The following NR2C2 variants were observed in gnomAD, a reference collection of about 807,000 sequenced individuals.
NR2C2 encodes Nuclear hormone receptor TR4.
In NR2C2, 6 loss-of-function variants were observed where a neutral mutation model predicts 62.9. The observed-to-expected ratio is 0.10, with a 90% CI of 0.05 to 0.19. The LOEUF (loss-of-function observed/expected upper bound fraction) is 0.19, where lower values mean the gene tolerates loss of function less well. Among genes scored for constraint, NR2C2 ranks in the 10% least tolerant of loss-of-function variants. The pLI is 1.00. For missense variants in NR2C2, 479 were observed against 762.7 expected, an observed-to-expected ratio of 0.63 and a Z score of 4.38; for synonymous variants, 272 against 273.8, an observed-to-expected ratio of 0.99 and a Z score of 0.07.
intron 13 of NR2C2, 112 bp downstream of exon 13, chr3:15,039,339 G>A: frequency 1.4e-6 from 1 of 705,944 alleles, no homozygotes; most frequent in South Asian, 1.6e-5. Context: ...GCCTGATAGA[G>A]CCTCCATTGG....
intron 7 of NR2C2, chr3:15,026,155 A>ACTGT (rs2041817688): frequency 6.6e-6 from 1 of 152,148 alleles, no homozygotes; most frequent in African/African-American, 2.4e-5. Flanking sequence ...AGTAGCTGGG[A>ACTGT]CTGTAGGTGC....
intron 1 of NR2C2, among the ~76,000 whole-genome samples, chr3:14,986,916 C>T (rs973029261): frequency 6.6e-6 from 1 of 152,094 alleles, no homozygotes; most frequent in Admixed American, 6.5e-5. Flanking sequence ...CAGGATGATT[C>T]AGGTTAGCTT....
chr3:15,007,166 C>T (rs1401777479), intron 2 of NR2C2, among the ~76,000 whole-genome samples: 3 of 146,802 alleles, frequency 2.0e-5, no homozygotes, highest in African/African-American at 7.6e-5. Flanking sequence ...CTCGCTCTGT[C>T]GCCCAGGCTG....
At chr3:15,006,776 CTTT>C (rs750432241) in intron 2 of NR2C2, among the ~76,000 whole-genome samples, 3 of 135,276 alleles carry the variant, frequency 2.2e-5, no homozygotes, top group Admixed American at 7.5e-5. Context: ...AGCCTTGAAT[CTTT>C]TTTTTTTTTT....
chr3:15,003,867 C>A lies in NR2C2; in HGVS notation c.-39-9C>A. The A allele has an allele frequency of 6.3e-7, 1 of 1,586,270 alleles. No individual in the cohort carries two copies. Among genetic ancestry groups the A allele is most frequent in the Non-Finnish European group, 8.7e-7 (1 of 1,154,930 alleles). ...CCCCCTTGTGATCCAGCCCACTTCT[C>A]ACCCACAGGTAACACGTACACAGAC... is the stretch of plus-strand genomic sequence containing the variant. On this transcript the variant is annotated splice_polypyrimidine_tract_variant and intron_variant, in intron 1 of 13. Transcript: ENST00000425241.
At chr3:15,035,315 C>T (rs994121472) in intron 11 of NR2C2, among the ~76,000 whole-genome samples, 2 of 152,146 alleles carry the variant, frequency 1.3e-5, no homozygotes, top group Non-Finnish European at 2.9e-5. Flanking sequence ...TGTTAGGAGG[C>T]TTATCAGTCA....
chr3:14,957,773 G>A (rs1479468034), intron 1 of NR2C2, among the ~76,000 whole-genome samples: 1 of 151,938 alleles, frequency 6.6e-6, no homozygotes, highest in Non-Finnish European at 1.5e-5. Context: ...TACAGTCTCT[G>A]TCTTTTCTAT....
intron 1 of NR2C2, among the ~76,000 whole-genome samples, chr3:15,000,903 C>G (rs1332581439): frequency 6.6e-6 from 1 of 150,916 alleles, no homozygotes; most frequent in African/African-American, 2.4e-5. Flanking sequence ...CAAGCTCTGC[C>G]TCCCGGATTC....
chr3:15,018,019 G>A (rs1006627687), intron 4 of NR2C2, among the ~76,000 whole-genome samples: 2 of 150,974 alleles, frequency 1.3e-5, no homozygotes, highest in African/African-American at 4.9e-5. Context: ...TTTTTTTTGA[G>A]ATGGAGTCTC....
chr3:15,029,838 T>TAGAC (rs1271676987), intron 8 of NR2C2, among the ~76,000 whole-genome samples: 34 of 119,684 alleles, frequency 2.8e-4, no homozygotes, highest in African/African-American at 1.2e-3. Flanking sequence ...GATAGATAGA[T>TAGAC]AGATATAGAT....
At chr3:14,957,315 T>C (rs1281066146) in intron 1 of NR2C2, among the ~76,000 whole-genome samples, 1 of 152,222 alleles carries the variant, frequency 6.6e-6, no homozygotes, top group Admixed American at 6.5e-5. Context: ...TATCTGAAAC[T>C]GGAGATTCAG....
At chr3:14,948,715 A>G (rs373104890) in intron 1 of NR2C2, 4 of 152,330 alleles carry the variant, frequency 2.6e-5, no homozygotes, top group African/African-American at 9.6e-5. Context: ...ACTGAGGAAC[A>G]ATAGTAATAA....
intron 12 of NR2C2, 153 bp downstream of exon 12, chr3:15,038,290 A>G (rs892346973): frequency 1.4e-5 from 10 of 734,372 alleles, no homozygotes; most frequent in Middle Eastern, 2.5e-4. Flanking sequence ...AGATAAATAC[A>G]TAAACGCTTT....
rs980343260 is a variant in NR2C2, at chr3:15,048,957, CCATTA to C, written c.*5954_*5958del. ...CACAATATAGAAAATATTGGTTTTG[CCATTA>C]CATTTTAATGCCAGGTTTAAAACCT... On this transcript the variant is annotated 3_prime_UTR_variant, in exon 14 of 14. Transcript: ENST00000425241. 2.3e-4 allele frequency: 35 copies of C among 152,612 alleles called. No homozygotes were observed. Among genetic ancestry groups the C allele is most frequent in the Admixed American group, 2.3e-3 (35 of 15,282 alleles). The allele number at this position is 152,612 out of a possible 1,614,324, so 9.5% of individuals were successfully genotyped here.
Position 15,047,723 on chromosome 3 carries a change from T to C in NR2C2, c.*4715T>C, listed in dbSNP as rs1344319856. The C allele has an allele frequency of 1.3e-5, 2 of 152,216 alleles. No individual in the cohort carries two copies. Among genetic ancestry groups the C allele is most frequent in the Admixed American group, 1.3e-4 (2 of 15,280 alleles). 9.4% of individuals were successfully genotyped at this position (152,216 alleles called of 1,614,324 possible). On this transcript the variant is annotated 3_prime_UTR_variant, in exon 14 of 14. Transcript: ENST00000425241. The stretch of plus-strand genomic sequence containing the variant: ...AGTTAAAAATAAACAACCTACCAAG[T>C]ATTATTCTTTAAAACTAAGCATGGA...
chr3:15,032,352 CTGTGCCA>C lies in NR2C2; in HGVS notation c.1111-20_1111-14del. On this transcript the variant is annotated intron_variant, in intron 9 of 13. Transcript: ENST00000425241. ...CCATCCCCTGTCCTTCCTTCACCTCCTGTGCCATGTGCCTCCTCTTTTCCAGCTAACA... is the reference window on the plus strand; with the variant it reads ...CCATCCCCTGTCCTTCCTTCACCTCCTGTGCCTCCTCTTTTCCAGCTAACA... 1 of 1,614,194 alleles carries C rather than the reference CTGTGCCA, an allele frequency of 6.2e-7. No individual in the cohort carries two copies. Among genetic ancestry groups the C allele is most frequent in the Non-Finnish European group, 8.5e-7 (1 of 1,180,006 alleles).
chr3:14,964,926 C>T (rs1226627444), intron 1 of NR2C2, among the ~76,000 whole-genome samples: 1 of 152,154 alleles, frequency 6.6e-6, no homozygotes, highest in African/African-American at 2.4e-5. Flanking sequence ...GGGCACAAGG[C>T]AGAAACACTC....
chr3:14,991,110 T>C (rs1040810190), intron 1 of NR2C2, among the ~76,000 whole-genome samples: 1 of 152,218 alleles, frequency 6.6e-6, no homozygotes, highest in Non-Finnish European at 1.5e-5. Context: ...GTTTTACCTT[T>C]TTAAAATCTC....
chr3:15,038,928 C>T, intron 12 of NR2C2, 194 bp from the exon 13 acceptor site: 1 of 580,040 alleles, frequency 1.7e-6, no homozygotes, highest in East Asian at 2.8e-5. Flanking sequence ...CGACCCGCTC[C>T]CAGGAACTTC....
Sources: gnomAD v4.1 joint callset for allele counts (sites outside exome capture counted in the v4.1 genomes callset) on GRCh38, gnomAD v4.1.1 for gene constraint, MANE v1.5 for transcripts, NCBI Gene and HGNC (gene_info 2026-07-23, HGNC 2026-07-21) for gene names.